Variants in CCDC126 observed in about 807,000 individuals in gnomAD.
CCDC126 encodes the protein coiled-coil domain-containing protein 126.
CCDC126 carries 5 observed loss-of-function variants against 11.7 expected under a neutral mutation model. The ratio of observed to expected loss-of-function variants is 0.43; its 90% CI spans 0.22 to 0.90. The LOEUF (loss-of-function observed/expected upper bound fraction) is 0.90. CCDC126 is among the 40% of genes least tolerant of loss of function. CCDC126 has a pLI of 0.27. For synonymous variants in CCDC126, 60 were observed against 61.9 expected (o/e 0.97, Z 0.14); for missense variants, 150 against 163.1 (o/e 0.92, Z 0.44).
intron 3 of CCDC126, among the ~76,000 whole-genome samples, chr7:23,613,970 C>T (rs1449349834): frequency 1.3e-5 from 2 of 152,242 alleles, no homozygotes; most frequent in Non-Finnish European, 2.9e-5. Context: ...TTCAGCAAGT[C>T]ATAATCCTTT....
At position 23,643,094 on chromosome 7, in the gene CCDC126, T is replaced by A. The variant is rs1223578570; in HGVS notation, c.402T>A (p.Asn134Lys). The A allele has an allele frequency of 1.2e-6, 2 of 1,614,080 alleles. No homozygotes were observed. Among genetic ancestry groups the A allele is most frequent in the East Asian group, 4.5e-5 (2 of 44,882 alleles). Residue 134 changes from asparagine to lysine, a missense_variant, in exon 4 of 4, where the codon AAT becomes AAA. Physicochemically the swap from Asn to Lys is moderately conservative, Grantham distance 94 (BLOSUM62 0). Coordinates refer to ENST00000307471, the MANE Select transcript of CCDC126 (RefSeq NM_138771.4). ...CAGTAACCACAAATAAAAGAACGAATGTCTCGGGCAGTATCAGATAGCAGT... is the reference window on the plus strand; with the variant it reads ...CAGTAACCACAAATAAAAGAACGAAAGTCTCGGGCAGTATCAGATAGCAGT... ...LVPVTTNKRT[N>K]VSGSIR
At chr7:23,598,962 T>C (rs1782481575) in intron 2 of CCDC126, among the ~76,000 whole-genome samples, 1 of 152,262 alleles carries the variant, frequency 6.6e-6, no homozygotes, top group African/African-American at 2.4e-5. Context: ...TAGAGGTTTT[T>C]TTTTAAATGT....
intron 3 of CCDC126, among the ~76,000 whole-genome samples, chr7:23,630,159 A>G (rs897303656): frequency 1.3e-4 from 20 of 152,052 alleles, no homozygotes; most frequent in Middle Eastern, 6.8e-3. Context: ...TCCAATTTAC[A>G]TATATATATA....
chr7:23,627,129 G>T (rs2128019497), intron 3 of CCDC126, among the ~76,000 whole-genome samples: 1 of 152,312 alleles, frequency 6.6e-6, no homozygotes, highest in African/African-American at 2.4e-5. Flanking sequence ...AGCAACACCA[G>T]TCCTTAACCA....
chr7:23,630,511 C>CA (rs1167856487), intron 3 of CCDC126, among the ~76,000 whole-genome samples: 4 of 151,160 alleles, frequency 2.6e-5, no homozygotes, highest in Non-Finnish European at 5.9e-5. Flanking sequence ...ATCAATCAAT[C>CA]AATCATCCAT....
intron 2 of CCDC126, among the ~76,000 whole-genome samples, chr7:23,603,326 T>A (rs893498392): frequency 2.2e-4 from 33 of 152,390 alleles, no homozygotes; most frequent in African/African-American, 7.5e-4. Flanking sequence ...AGCTTAATAA[T>A]TTAGTGAATA....
intron 3 of CCDC126, among the ~76,000 whole-genome samples, chr7:23,630,212 A>T (rs1022747937): frequency 2.0e-5 from 3 of 152,200 alleles, no homozygotes; most frequent in Non-Finnish European, 4.4e-5. Flanking sequence ...TCAAGAGTCC[A>T]TGGAGGCAGG....
chr7:23,623,450 G>C (rs1782959916), intron 3 of CCDC126, among the ~76,000 whole-genome samples: 1 of 152,030 alleles, frequency 6.6e-6, no homozygotes, highest in Admixed American at 6.6e-5. Flanking sequence ...TACAAAGTTG[G>C]CCAGGTGTGG....
At chr7:23,600,787 T>C (rs1321415686) in intron 2 of CCDC126, among the ~76,000 whole-genome samples, 1 of 152,222 alleles carries the variant, frequency 6.6e-6, no homozygotes, top group Non-Finnish European at 1.5e-5. Flanking sequence ...ATTTGTGTTT[T>C]TAATATTGCT....
intron 3 of CCDC126, among the ~76,000 whole-genome samples, 166 bp from the exon 4 acceptor site, chr7:23,642,762 CAAA>C (rs1178284907): frequency 7.7e-6 from 1 of 129,368 alleles, no homozygotes; most frequent in Non-Finnish European, 1.7e-5. Context: ...AACTCCATCT[CAAA>C]AAAAAAAAAA....
At chr7:23,625,016 G>T (rs973737294) in intron 3 of CCDC126, among the ~76,000 whole-genome samples, 1 of 151,982 alleles carries the variant, frequency 6.6e-6, no homozygotes, top group Non-Finnish European at 1.5e-5. Flanking sequence ...CTAATTTTTT[G>T]TTGTTGTTGT....
At chr7:23,640,580 C>T (rs542977982) in intron 3 of CCDC126, among the ~76,000 whole-genome samples, 5 of 152,222 alleles carry the variant, frequency 3.3e-5, no homozygotes, top group African/African-American at 4.8e-5. Flanking sequence ...ACTACTGTAT[C>T]TTTCCAAAAC....
chr7:23,613,319 A>T (rs1782746892), intron 3 of CCDC126, among the ~76,000 whole-genome samples: 3 of 152,184 alleles, frequency 2.0e-5, no homozygotes, highest in Admixed American at 1.3e-4. Context: ...TCTCAAAAAA[A>T]AAAAGTGGTA....
intron 2 of CCDC126, 90 bp downstream of exon 2, chr7:23,598,141 T>G (rs1040274617): frequency 6.6e-6 from 1 of 152,194 alleles, no homozygotes; most frequent in African/African-American, 2.4e-5. Context: ...CCTGCCTGGG[T>G]TTCTCTCACT....
intron 3 of CCDC126, among the ~76,000 whole-genome samples, chr7:23,621,329 C>G (rs1306618502): frequency 1.3e-5 from 2 of 150,900 alleles, no homozygotes; most frequent in Non-Finnish European, 2.9e-5. Context: ...GTATTTTATT[C>G]TCTTTGAAGC....
At chr7:23,622,511 T>A in intron 3 of CCDC126, 1 of 482,260 alleles carries the variant, frequency 2.1e-6, no homozygotes, top group Admixed American at 2.4e-5. Context: ...GAAACTGGAT[T>A]TAGTGCAGTC....
At chr7:23,629,339 C>T (rs1783067079) in intron 3 of CCDC126, among the ~76,000 whole-genome samples, 1 of 152,198 alleles carries the variant, frequency 6.6e-6, no homozygotes, top group South Asian at 2.1e-4. Context: ...ACCTAGAAGA[C>T]ACCATCTGTG....
intron 2 of CCDC126, among the ~76,000 whole-genome samples, chr7:23,600,546 T>G (rs1782522895): frequency 6.6e-6 from 1 of 152,144 alleles, no homozygotes; most frequent in Admixed American, 6.5e-5. Flanking sequence ...GTGAACATAC[T>G]GTGTCTTTTT....
chr7:23,618,245 C>T (rs1782827792), intron 3 of CCDC126, among the ~76,000 whole-genome samples: 1 of 152,128 alleles, frequency 6.6e-6, no homozygotes, highest in African/African-American at 2.4e-5. Flanking sequence ...AATCATTGCC[C>T]ACGTGGTTGA....
Sources: gnomAD v4.1 joint callset for allele counts (sites outside exome capture counted in the v4.1 genomes callset) on GRCh38, gnomAD v4.1.1 for gene constraint, MANE v1.5 for transcripts, NCBI Gene and HGNC (gene_info 2026-07-23, HGNC 2026-07-21) for gene names.